Variants in LDLRAD4 observed in about 807,000 individuals in gnomAD.
The protein encoded by LDLRAD4 is low density lipoprotein receptor class A domain containing 4.
In LDLRAD4, 5 loss-of-function variants were observed where a neutral mutation model predicts 17.0. The observed-to-expected ratio is 0.29, with a 90% confidence interval of 0.15 to 0.62. The LOEUF (loss-of-function observed/expected upper bound fraction) is 0.62. Ranked by LOEUF, LDLRAD4 falls within the 20% of genes least tolerant of loss-of-function variation. The pLI is 0.84. For missense variants in LDLRAD4, 340 were observed against 424.7 expected, an observed-to-expected ratio of 0.80 and a Z score of 1.75; for synonymous variants, 168 against 171.8, an observed-to-expected ratio of 0.98 and a Z score of 0.17.
intron 1 of LDLRAD4, among the ~76,000 whole-genome samples, chr18:13,290,955 G>A (rs2146405506): frequency 1.3e-5 from 2 of 152,300 alleles, no homozygotes; most frequent in Middle Eastern, 6.8e-3. Context: ...CTCTGCCCAG[G>A]GGCCCAGTCA....
At chr18:13,314,802 T>C (rs564321355) in intron 1 of LDLRAD4, among the ~76,000 whole-genome samples, 3 of 152,294 alleles carry the variant, frequency 2.0e-5, no homozygotes, top group South Asian at 4.2e-4. Context: ...AGGGAAAATA[T>C]TAAGGTGAGC....
Position 13,429,799 on chromosome 18 carries a change from G to A in LDLRAD4, c.41-8445G>A, listed in dbSNP as rs570145222. On this transcript the variant is annotated intron_variant, in intron 2 of 5. Transcript: ENST00000359446. ...TCCTGACGCAGCTCCCGCTTCTGCC[G>A]CAGGTCGCGAGGCCCCACAGGGAGC... Among the ~76,000 whole-genome samples, 5 of 152,340 alleles carry A rather than the reference G, an allele frequency of 3.3e-5. No individual in the cohort carries two copies. In the East Asian group the frequency reaches 5.8e-4, roughly 18 times the overall value.
At chr18:13,310,992 G>A (rs1158132486) in intron 1 of LDLRAD4, among the ~76,000 whole-genome samples, 2 of 152,148 alleles carry the variant, frequency 1.3e-5, no homozygotes, top group Non-Finnish European at 2.9e-5. Flanking sequence ...AACTCACAGA[G>A]TCTCAGCTCC....
intron 2 of LDLRAD4, among the ~76,000 whole-genome samples, chr18:13,411,111 G>A (rs776718683): frequency 2.0e-5 from 3 of 152,140 alleles, no homozygotes; most frequent in Non-Finnish European, 2.9e-5. Flanking sequence ...ATTTAGCTGG[G>A]TGTTGTGGCA....
chr18:13,242,486 A>G (rs2042712807), intron 1 of LDLRAD4, among the ~76,000 whole-genome samples: 3 of 152,190 alleles, frequency 2.0e-5, no homozygotes, highest in Admixed American at 6.5e-5. Context: ...ACTTTCACAC[A>G]CTTACTAATG....
chr18:13,302,126 G>A (rs2046642845), intron 1 of LDLRAD4, among the ~76,000 whole-genome samples: 1 of 152,258 alleles, frequency 6.6e-6, no homozygotes, highest in Admixed American at 6.5e-5. Context: ...AGACCCTGCA[G>A]TCTTCAGCTA....
upstream of LDLRAD4, among the ~76,000 whole-genome samples, chr18:13,275,479 G>A (rs982614180): frequency 2.0e-5 from 3 of 152,264 alleles, no homozygotes; most frequent in South Asian, 2.1e-4. Flanking sequence ...GAATAAGTTC[G>A]GTTGCTGTGG....
At chr18:13,506,222 T>TA (rs61289550) in intron 3 of LDLRAD4, among the ~76,000 whole-genome samples, 91,208 of 149,710 alleles carry the variant, frequency 0.61, 29,094 homozygotes, top group East Asian at 0.73. Flanking sequence ...TTTCCTCTTT[T>TA]TTTTTTTTAT....
chr18:13,227,842 G>A (rs972458586), intron 1 of LDLRAD4, among the ~76,000 whole-genome samples: 2 of 152,186 alleles, frequency 1.3e-5, no homozygotes, highest in African/African-American at 4.8e-5. Flanking sequence ...CCCTTCCCAT[G>A]AGGTCCCTCC....
chr18:13,291,480 G>C (rs767522517), intron 1 of LDLRAD4, among the ~76,000 whole-genome samples: 1 of 152,120 alleles, frequency 6.6e-6, no homozygotes, highest in African/African-American at 2.4e-5. Flanking sequence ...TGTGATGATC[G>C]GGCTGTGGTT....
At chr18:13,591,416 ATG>A (rs372202447) in intron 3 of LDLRAD4, among the ~76,000 whole-genome samples, 9 of 138,450 alleles carry the variant, frequency 6.5e-5, no homozygotes, top group African/African-American at 2.4e-4. Context: ...ATGTGTGTGT[ATG>A]TGTGTGTGTG....
chr18:13,505,326 T>G (rs1432296872), intron 3 of LDLRAD4, among the ~76,000 whole-genome samples: 1 of 152,212 alleles, frequency 6.6e-6, no homozygotes, highest in Non-Finnish European at 1.5e-5. Flanking sequence ...CACAGTAATG[T>G]GGGACCATAA....
rs553428397 is a variant in LDLRAD4, at chr18:13,641,645, C to T, written c.337-1714C>T. 7.1e-3 allele frequency: 3,594 copies of T among 506,196 alleles called. 15 individuals are homozygous for T. Among genetic ancestry groups the T allele is most frequent in the Non-Finnish European group, 8.6e-3 (3,386 of 391,884 alleles). The allele number at this position is 506,196 out of a possible 1,614,324, so 31.4% of individuals were successfully genotyped here. On this transcript the variant is annotated intron_variant, in intron 4 of 5. Transcript: ENST00000359446. ...CGAGGACTGGGGTGAGGGAGAGAGG[C>T]GGCGGCCCAGAGGAGCAGCAGGCGC...
chr18:13,646,881 C>T (rs541733987), exon 6 of LDLRAD4: 1 of 152,634 alleles, frequency 6.6e-6, no homozygotes, highest in East Asian at 1.9e-4. Context: ...CCAGCCTACA[C>T]AGAACTTCGT....
chr18:13,336,870 A>G (rs1388651611), intron 1 of LDLRAD4, among the ~76,000 whole-genome samples: 1 of 152,118 alleles, frequency 6.6e-6, no homozygotes, highest in Non-Finnish European at 1.5e-5. Context: ...CACAGCTTTC[A>G]TCTACTCACT....
At chr18:13,633,034 G>T (rs1048384721) in intron 4 of LDLRAD4, among the ~76,000 whole-genome samples, 4 of 152,042 alleles carry the variant, frequency 2.6e-5, no homozygotes, top group Non-Finnish European at 4.4e-5. Flanking sequence ...ACCCATAGAG[G>T]GTAGCTCCTT....
chr18:13,565,574 G>T (rs2094589910), intron 3 of LDLRAD4, among the ~76,000 whole-genome samples: 1 of 152,258 alleles, frequency 6.6e-6, no homozygotes, highest in Non-Finnish European at 1.5e-5. Context: ...GTCTTGGGCT[G>T]TGGAACGAGC....
chr18:13,449,023 T>A (rs1010430920), intron 3 of LDLRAD4, among the ~76,000 whole-genome samples: 1 of 152,174 alleles, frequency 6.6e-6, no homozygotes, highest in African/African-American at 2.4e-5. Context: ...TCTTGTTCTG[T>A]CCCAAGAGCT....
intron 3 of LDLRAD4, among the ~76,000 whole-genome samples, chr18:13,470,612 C>T (rs2092741756): frequency 6.7e-6 from 1 of 149,564 alleles, no homozygotes; most frequent in Admixed American, 6.7e-5. Context: ...GTGAGTCAGT[C>T]ACTGTCAGTC....
Sources: gnomAD v4.1 joint callset for allele counts (sites outside exome capture counted in the v4.1 genomes callset) on GRCh38, gnomAD v4.1.1 for gene constraint, MANE v1.5 for transcripts, NCBI Gene and HGNC (gene_info 2026-07-23, HGNC 2026-07-21) for gene names.